The following C18orf32 variants were observed in gnomAD, a reference collection of about 807,000 sequenced individuals.
The protein encoded by C18orf32 is chromosome 18 open reading frame 32.
C18orf32 carries 5 observed loss-of-function variants against 7.4 expected under a neutral mutation model. The ratio of observed to expected loss-of-function variants is 0.68; its 90% CI spans 0.35 to 1.42. C18orf32 has a LOEUF of 1.42. Ranked by LOEUF, C18orf32 falls within the 40% of genes most tolerant of loss-of-function variation. C18orf32 has a pLI of 0.04. For missense variants in C18orf32, 88 were observed against 92.4 expected, an observed-to-expected ratio of 0.95 and a Z score of 0.19; for synonymous variants, 30 against 29.3, an observed-to-expected ratio of 1.02 and a Z score of -0.08.
In C18orf32 at chr18:49,477,448, A is replaced by G. The variant is rs1051014743; in HGVS notation, c.*4897T>C. ...AAACTCACCCTCTCCATTTCTGCCT[A>G]ATTATTCCCAATAAGGTATTACTAA... On this transcript the variant is annotated 3_prime_UTR_variant, in exon 3 of 3. Coordinates refer to ENST00000318240, the MANE Select transcript of C18orf32 (RefSeq NM_001035005.4). 2.7e-5 allele frequency: 4 copies of G among 149,976 alleles called. No individual in the cohort carries two copies. Among genetic ancestry groups the G allele is most frequent in the Non-Finnish European group, 5.9e-5 (4 of 68,004 alleles). 9.3% of individuals were successfully genotyped at this position (149,976 alleles called of 1,614,324 possible). A position where few individuals can be genotyped will look rare whatever the true frequency, so the allele number is the denominator to read the frequency against.
At chr18:49,485,930 T>G (rs1358941906) in intron 1 of C18orf32, 2 of 151,784 alleles carry the variant, frequency 1.3e-5, no homozygotes, top group Non-Finnish European at 2.9e-5. Context: ...TTTTAAATAA[T>G]TAGCAAGGTG....
Position 49,479,994 on chromosome 18 carries a change from A to C in C18orf32, c.*2351T>G, listed in dbSNP as rs1321041663. 7.9e-5 allele frequency: 12 copies of C among 152,438 alleles called. No homozygotes were observed. The highest frequency in any genetic ancestry group is 2.6e-4 in the African/African-American group (11 of 41,564). The allele number at this position is 152,438 out of a possible 1,614,324, so 9.4% of individuals were successfully genotyped here. ...GGCAGTGTAAGATAGCGGCATCTCA[A>C]CCATTATGGGAAACAATGTCTGAAG... On this transcript the variant is annotated 3_prime_UTR_variant, in exon 3 of 3. Transcript: ENST00000318240.
At position 49,479,722 on chromosome 18, in the gene C18orf32, ACT is replaced by A. The variant is rs1324407527; in HGVS notation, c.*2621_*2622del. 6.6e-6 allele frequency: 1 copy of A among 151,986 alleles called. No homozygotes were observed. The highest frequency in any genetic ancestry group is 1.5e-5 in the Non-Finnish European group (1 of 68,044). The allele number at this position is 151,986 out of a possible 1,614,324, so 9.4% of individuals were successfully genotyped here. On this transcript the variant is annotated 3_prime_UTR_variant, in exon 3 of 3. Transcript: ENST00000318240. Reference sequence around the variant, plus strand: ...CAGAGAGAGGGCCAAGGGAATAAACACTCTGCCTTCATTCTCCTCCCTCCAGC... The same window carrying A: ...CAGAGAGAGGGCCAAGGGAATAAACACTGCCTTCATTCTCCTCCCTCCAGC...
rs566441448 is a variant in C18orf32, at chr18:49,481,266, A to G, written c.*1079T>C. 4.6e-5 allele frequency: 7 copies of G among 152,342 alleles called. No individual in the cohort carries two copies. Among genetic ancestry groups the G allele is most frequent in the African/African-American group, 1.7e-4 (7 of 41,580 alleles). The allele number at this position is 152,342 out of a possible 1,614,324, so 9.4% of individuals were successfully genotyped here. ...CTTAATAGAGCCTGAGTTAGGACCC[A>G]GACTTCATTAGGGACCCAAGGGCAG... On this transcript the variant is annotated 3_prime_UTR_variant, in exon 3 of 3. Transcript: ENST00000318240.
Position 49,480,954 on chromosome 18 carries a change from T to TACA in C18orf32, c.*1388_*1390dup, listed in dbSNP as rs60643423. On this transcript the variant is annotated 3_prime_UTR_variant, in exon 3 of 3. Transcript: ENST00000318240. ...ACTACTGTCTAACAAAAACAAACCATACAACAACAACAACAAAAAAACAAT... is the reference window on the plus strand; with the variant it reads ...ACTACTGTCTAACAAAAACAAACCATACAACAACAACAACAACAAAAAAACAAT... 64,298 of 145,420 alleles carry TACA rather than the reference T, an allele frequency of 0.44. 14,040 individuals carry two copies. Among genetic ancestry groups the TACA allele is most frequent in the Middle Eastern group, 0.6 (173 of 288 alleles). The allele number at this position is 145,420 out of a possible 1,614,324, so 9.0% of individuals were successfully genotyped here. A position where few individuals can be genotyped will look rare whatever the true frequency, so the allele number is the denominator to read the frequency against.
At position 49,487,207 on chromosome 18, in the gene C18orf32, C is replaced by G. The variant is rs2083771661; in HGVS notation, c.-188G>C. On this transcript the variant is annotated 5_prime_UTR_variant, in exon 1 of 3. Coordinates refer to ENST00000318240, the MANE Select transcript of C18orf32 (RefSeq NM_001035005.4). Reference sequence around the variant, plus strand: ...AGGCCGCTAGCCCGGGCACACTCACCCGCGACCGCGGAAACGCAGCTGACA... The same window carrying G: ...AGGCCGCTAGCCCGGGCACACTCACGCGCGACCGCGGAAACGCAGCTGACA... 6.5e-6 allele frequency: 1 copy of G among 152,868 alleles called. No homozygotes were observed. Among genetic ancestry groups the G allele is most frequent in the Admixed American group, 6.5e-5 (1 of 15,298 alleles). 9.5% of individuals were successfully genotyped at this position (152,868 alleles called of 1,614,324 possible).
intron 1 of C18orf32, among the ~76,000 whole-genome samples, chr18:49,484,992 G>A (rs1481678189): frequency 1.3e-5 from 2 of 152,086 alleles, no homozygotes; most frequent in Non-Finnish European, 2.9e-5. Context: ...TGAGGGGGAA[G>A]AATTGCTTGA....
At chr18:49,486,795 CA>C (rs2083757619) in intron 1 of C18orf32, among the ~76,000 whole-genome samples, 1 of 152,016 alleles carries the variant, frequency 6.6e-6, no homozygotes, top group South Asian at 2.1e-4. Flanking sequence ...TTAGTGGAGA[CA>C]GAGGGAGCGG....
chr18:49,480,954 T>G lies in C18orf32; in HGVS notation c.*1391A>C, dbSNP rs1600471075. The G allele has an allele frequency of 6.9e-6, 1 of 145,470 alleles. No homozygotes were observed. Among genetic ancestry groups the G allele is most frequent in the Non-Finnish European group, 1.5e-5 (1 of 66,000 alleles). 9.0% of individuals were successfully genotyped at this position (145,470 alleles called of 1,614,324 possible). ...ACTACTGTCTAACAAAAACAAACCA[T>G]ACAACAACAACAACAAAAAAACAAT... On this transcript the variant is annotated 3_prime_UTR_variant, in exon 3 of 3. Transcript: ENST00000318240.
In C18orf32 at chr18:49,480,632, A is replaced by G. The variant is rs2083652906; in HGVS notation, c.*1713T>C. 6.6e-6 allele frequency: 1 copy of G among 152,102 alleles called. No individual in the cohort carries two copies. The highest frequency in any genetic ancestry group is 2.4e-5 in the African/African-American group (1 of 41,386). The allele number at this position is 152,102 out of a possible 1,614,324, so 9.4% of individuals were successfully genotyped here. ...AAATTACAAAAAACATTAGCTGGGC[A>G]TGGTGGTGTGCACCTGTAGTCCCAG... On this transcript the variant is annotated 3_prime_UTR_variant, in exon 3 of 3. Transcript: ENST00000318240.
At position 49,478,668 on chromosome 18, in the gene C18orf32, G is replaced by C. The variant is rs528036222; in HGVS notation, c.*3677C>G. The C allele has an allele frequency of 6.6e-6, 1 of 150,392 alleles. No individual in the cohort carries two copies. Among genetic ancestry groups the C allele is most frequent in the African/African-American group, 2.5e-5 (1 of 39,740 alleles). 9.3% of individuals were successfully genotyped at this position (150,392 alleles called of 1,614,324 possible). A position where few individuals can be genotyped will look rare whatever the true frequency, so the allele number is the denominator to read the frequency against. Reference sequence around the variant, plus strand: ...GGTACAATGTGTTTAACAAAGGGTAGCTCTTACTAAAAAGGCAGCCCTGAC... The same window carrying C: ...GGTACAATGTGTTTAACAAAGGGTACCTCTTACTAAAAAGGCAGCCCTGAC... On this transcript the variant is annotated 3_prime_UTR_variant, in exon 3 of 3. Coordinates refer to ENST00000318240, the MANE Select transcript of C18orf32 (RefSeq NM_001035005.4).
In C18orf32 at chr18:49,477,538, G is replaced by A. The variant is rs2148805663; in HGVS notation, c.*4807C>T. 1.3e-5 allele frequency: 2 copies of A among 150,524 alleles called. 1 individual carries two copies. Among genetic ancestry groups the A allele is most frequent in the African/African-American group, 5.0e-5 (2 of 39,768 alleles). The allele number at this position is 150,524 out of a possible 1,614,324, so 9.3% of individuals were successfully genotyped here. Reference sequence around the variant, plus strand: ...CTTATGCCTGTGATCCCAGCACTTTGGGAGGCCAAGGCAGGCAGATCACTG... The same window carrying A: ...CTTATGCCTGTGATCCCAGCACTTTAGGAGGCCAAGGCAGGCAGATCACTG... On this transcript the variant is annotated 3_prime_UTR_variant, in exon 3 of 3. Coordinates refer to ENST00000318240, the MANE Select transcript of C18orf32 (RefSeq NM_001035005.4).
intron 2 of C18orf32, 39 bp from the exon 3 acceptor site, chr18:49,482,449 C>A: frequency 6.7e-7 from 1 of 1,495,354 alleles, no homozygotes. Context: ...TCATAACAAG[C>A]CGGGTGCGGT....
Position 49,477,834 on chromosome 18 carries a change from C to CT in C18orf32, c.*4510_*4511insA, listed in dbSNP as rs1555768277. 12 of 80,708 alleles carry CT rather than the reference C, an allele frequency of 1.5e-4. 3 individuals carry two copies. The highest frequency in any genetic ancestry group is 6.4e-4 in the African/African-American group (12 of 18,638). The allele number at this position is 80,708 out of a possible 1,614,324, so 5.0% of individuals were successfully genotyped here. On this transcript the variant is annotated 3_prime_UTR_variant, in exon 3 of 3. Transcript: ENST00000318240. ...TATACACACACTATATATATATACA[C>CT]ATATATATATATACACACACTATAT...
intron 2 of C18orf32, 40 bp from the exon 3 acceptor site, chr18:49,482,450 C>T (rs754825861): frequency 1.9e-5 from 28 of 1,479,312 alleles, no homozygotes; most frequent in Admixed American, 5.2e-5. Context: ...CATAACAAGC[C>T]GGGTGCGGTG....
At chr18:49,486,465 C>T (rs2083747170) in intron 1 of C18orf32, 1 of 152,068 alleles carries the variant, frequency 6.6e-6, no homozygotes, top group African/African-American at 2.4e-5. Flanking sequence ...GACTTTTTAG[C>T]TCTCTTCGGA....
In C18orf32 at chr18:49,477,949, T is replaced by C. The variant is rs1050784768; in HGVS notation, c.*4396A>G. 6.2e-5 allele frequency: 9 copies of C among 145,434 alleles called. No individual in the cohort carries two copies. Among genetic ancestry groups the C allele is most frequent in the South Asian group, 2.1e-4 (1 of 4,734 alleles). The allele number at this position is 145,434 out of a possible 1,614,324, so 9.0% of individuals were successfully genotyped here. A position where few individuals can be genotyped will look rare whatever the true frequency, so the allele number is the denominator to read the frequency against. On this transcript the variant is annotated 3_prime_UTR_variant, in exon 3 of 3. Coordinates refer to ENST00000318240, the MANE Select transcript of C18orf32 (RefSeq NM_001035005.4). Reference sequence around the variant, plus strand: ...ACACACTATATATATATATACACTATATATATATGTAGCTGTGATGGCTCC... The same window carrying C: ...ACACACTATATATATATATACACTACATATATATGTAGCTGTGATGGCTCC...
chr18:49,485,140 G>C (rs191749400), intron 1 of C18orf32, among the ~76,000 whole-genome samples: 19 of 152,272 alleles, frequency 1.2e-4, no homozygotes, highest in Admixed American at 1.2e-3. Flanking sequence ...GCTGGCAACT[G>C]AGTCAGCACC....
chr18:49,478,101 T>C lies in C18orf32; in HGVS notation c.*4244A>G, dbSNP rs902646269. 6.7e-6 allele frequency: 1 copy of C among 149,766 alleles called. No homozygotes were observed. The highest frequency in any genetic ancestry group is 2.6e-5 in the African/African-American group (1 of 39,168). The allele number at this position is 149,766 out of a possible 1,614,324, so 9.3% of individuals were successfully genotyped here. ...TCCAAGCTAGAGTGCAGTGGCTTGA[T>C]CACAGCTCACTGTAGCCTTTAACCT... On this transcript the variant is annotated 3_prime_UTR_variant, in exon 3 of 3. Coordinates refer to ENST00000318240, the MANE Select transcript of C18orf32 (RefSeq NM_001035005.4).
Sources: allele counts gnomAD v4.1 joint callset (sites outside exome capture counted in the v4.1 genomes callset), GRCh38; gene constraint gnomAD v4.1.1; transcripts MANE v1.5; gene names NCBI Gene and HGNC (gene_info 2026-07-23, HGNC 2026-07-21).